Variants in MAPK8IP3 observed in about 807,000 individuals in gnomAD.
The protein encoded by MAPK8IP3 is mitogen-activated protein kinase 8 interacting protein 3.
A neutral mutation model predicts 157.8 loss-of-function variants in MAPK8IP3; 49 were observed. That is an observed-to-expected ratio of 0.31 (90% CI 0.25 to 0.39). The LOEUF (loss-of-function observed/expected upper bound fraction) is 0.39, where lower values mean the gene tolerates loss of function less well. Ranked by LOEUF, MAPK8IP3 falls within the 10% of genes least tolerant of loss-of-function variation. The probability of loss-of-function intolerance (pLI) is 1.00; values close to 1 mark genes in which losing one functional copy is unlikely to be tolerated. For missense variants in MAPK8IP3, 1,478 were observed against 1,889.4 expected, an observed-to-expected ratio of 0.78 and a Z score of 4.04; for synonymous variants, 897 against 777.7, an observed-to-expected ratio of 1.15 and a Z score of -2.55.
rs1481579496 is a variant in MAPK8IP3 at position 1,765,955 on chromosome 16, C to T, written c.2447-5C>T. 3 of 1,608,512 alleles carry T rather than the reference C, an allele frequency of 1.9e-6. No homozygotes were observed. The highest frequency in any genetic ancestry group is 4.5e-5 in the East Asian group (2 of 44,780). Reference sequence around the variant, plus strand: ...CACAGGCTGACGGGCCGTCCCTCTCCCCAGCGGCCAGCGACAGCGACTACC... The same window carrying T: ...CACAGGCTGACGGGCCGTCCCTCTCTCCAGCGGCCAGCGACAGCGACTACC... On this transcript the variant is annotated splice_region_variant and splice_polypyrimidine_tract_variant and intron_variant, in intron 20 of 31. Coordinates refer to ENST00000610761, the MANE Select transcript of MAPK8IP3 (RefSeq NM_001318852.2).
chr16:1,729,977 G>T (rs891394177), intron 4 of MAPK8IP3, among the ~76,000 whole-genome samples: 6 of 148,656 alleles, frequency 4.0e-5, no homozygotes, highest in Admixed American at 1.4e-4. Context: ...GGGAGGCCAA[G>T]GCAGGAGGAT....
At position 1,766,156 on chromosome 16, in the gene MAPK8IP3, G is replaced by T. The variant is rs371574507; in HGVS notation, c.2629+14G>T. Reference sequence around the variant, plus strand: ...ACAAGGGGCAGGGTGAGTCCTGGGCGAGTTTCCCCCATCCCCTCATTCCCA... The same window carrying T: ...ACAAGGGGCAGGGTGAGTCCTGGGCTAGTTTCCCCCATCCCCTCATTCCCA... On this transcript the variant is annotated intron_variant, in intron 21 of 31. Coordinates refer to ENST00000610761, the MANE Select transcript of MAPK8IP3 (RefSeq NM_001318852.2). 6.2e-7 allele frequency: 1 copy of T among 1,603,748 alleles called. No homozygotes were observed. Among genetic ancestry groups the T allele is most frequent in the Non-Finnish European group, 8.5e-7 (1 of 1,173,468 alleles).
At position 1,768,633 on chromosome 16, in the gene MAPK8IP3, G is replaced by C. The variant is rs146699789; in HGVS notation, c.3892+7G>C. 6.2e-7 allele frequency: 1 copy of C among 1,607,362 alleles called. No homozygotes were observed. The highest frequency in any genetic ancestry group is 1.7e-5 in the Admixed American group (1 of 59,186). On this transcript the variant is annotated splice_region_variant and intron_variant, in intron 31 of 31. Coordinates refer to ENST00000610761, the MANE Select transcript of MAPK8IP3 (RefSeq NM_001318852.2). Reference sequence around the variant, plus strand: ...TACATCGACTTCCGCATTGGTGAGCGGGGCCCAGGGACAGGGCTGAGGTTG... The same window carrying C: ...TACATCGACTTCCGCATTGGTGAGCCGGGCCCAGGGACAGGGCTGAGGTTG...
In MAPK8IP3 at chr16:1,741,527, G is replaced by A. The variant is rs895319071; in HGVS notation, c.603-1805G>A. 2.0e-4 allele frequency among the ~76,000 whole-genome samples: 31 copies of A among 152,128 alleles called. 1 individual carries two copies. Among genetic ancestry groups the A allele is most frequent in the African/African-American group, 2.4e-5 (1 of 41,420 alleles). On this transcript the variant is annotated intron_variant, in intron 4 of 31. Coordinates refer to ENST00000610761, the MANE Select transcript of MAPK8IP3 (RefSeq NM_001318852.2). This position sits in a 1 kb window ranked among gnomAD's most constrained non-coding sequence, Gnocchi z 6.9. ...GTAGCATCTGGTGACAGCCAGGACCGCATCGGCTTCGGTCTAGGGACTGAG... is the reference window on the plus strand; with the variant it reads ...GTAGCATCTGGTGACAGCCAGGACCACATCGGCTTCGGTCTAGGGACTGAG...
chr16:1,756,183 G>A (rs981640837), intron 8 of MAPK8IP3, among the ~76,000 whole-genome samples: 1 of 152,172 alleles, frequency 6.6e-6, no homozygotes. Flanking sequence ...AAGTCTTGGG[G>A]GAGCGGGTAC....
In MAPK8IP3 at chr16:1,758,200, C is replaced by T. The variant is rs374106881; in HGVS notation, c.1228+41C>T. The T allele has an allele frequency of 4.0e-5, 65 of 1,609,972 alleles. No homozygotes were observed. In the East Asian group the frequency reaches 5.4e-4, roughly 13 times the overall value. ...TCCTGTCTGTCTCCCCTCTGTGTGA[C>T]GGGGGGAGTGGGTGGACGGGGGATG... On this transcript the variant is annotated intron_variant, in intron 9 of 31. Coordinates refer to ENST00000610761, the MANE Select transcript of MAPK8IP3 (RefSeq NM_001318852.2).
intron 8 of MAPK8IP3, among the ~76,000 whole-genome samples, chr16:1,755,111 G>A (rs188859267): frequency 4.3e-4 from 66 of 152,308 alleles, no homozygotes; most frequent in African/African-American, 1.5e-3. Flanking sequence ...ATAAAGCTGC[G>A]GCAGTTGAGG....
At chr16:1,749,373 T>C (rs999393673) in intron 8 of MAPK8IP3, among the ~76,000 whole-genome samples, 4 of 152,158 alleles carry the variant, frequency 2.6e-5, no homozygotes, top group African/African-American at 9.7e-5. Flanking sequence ...GGGTGCCCGC[T>C]TCTCTGCTCT....
chr16:1,738,033 T>C (rs1567168786), intron 4 of MAPK8IP3, among the ~76,000 whole-genome samples: 2 of 75,038 alleles, frequency 2.7e-5, no homozygotes, highest in Non-Finnish European at 5.0e-5. Context: ...TGAGCATCCG[T>C]GTGAGCGTGT....
rs2040807557 is a variant in MAPK8IP3 at position 1,743,663 on chromosome 16, C to T, written c.747+187C>T. 1 of 1,423,438 alleles carries T rather than the reference C, an allele frequency of 7.0e-7. No individual in the cohort carries two copies. Among genetic ancestry groups the T allele is most frequent in the South Asian group, 1.5e-5 (1 of 64,842 alleles). 88.2% of individuals were successfully genotyped at this position (1,423,438 alleles called of 1,614,324 possible). On this transcript the variant is annotated intron_variant, in intron 5 of 31. Coordinates refer to ENST00000610761, the MANE Select transcript of MAPK8IP3 (RefSeq NM_001318852.2). The surrounding 1 kb of genome is among the most constrained non-coding windows in gnomAD (Gnocchi z 5.6). ...AGGGGCTCAGGCTGCCCAGCAGGCC[C>T]TGTGTGGCTGTGGCTGTTCCACGCG...
At chr16:1,756,007 T>C (rs1366245798) in intron 8 of MAPK8IP3, among the ~76,000 whole-genome samples, 1 of 151,760 alleles carries the variant, frequency 6.6e-6, no homozygotes, top group East Asian at 1.9e-4. Context: ...CTGACTAGGG[T>C]GGAGCAGGTG....
chr16:1,720,808 G>A (rs2038464178), intron 1 of MAPK8IP3, among the ~76,000 whole-genome samples: 1 of 152,170 alleles, frequency 6.6e-6, no homozygotes. Context: ...GCAGAAGCAG[G>A]CGGATCACGA....
At chr16:1,762,814 C>A (rs1015188811) in intron 15 of MAPK8IP3, 22 bp from the exon 16 acceptor site, 28 of 1,609,220 alleles carry the variant, frequency 1.7e-5, no homozygotes, top group African/African-American at 2.7e-5. Context: ...GCCCACCCCT[C>A]ACCTCCCTGT....
rs1214794940 is a variant in MAPK8IP3, at chr16:1,764,424, C to T, written c.2245C>T (p.Pro749Ser). 1.2e-6 allele frequency: 2 copies of T among 1,607,164 alleles called. No homozygotes were observed. Among genetic ancestry groups the T allele is most frequent in the Non-Finnish European group, 1.7e-6 (2 of 1,178,412 alleles). ...CTGCGACCGCGAAGGAGACGGCGAGCCCAAGAGCGCCCACACGTCTCCCGA... is the reference window on the plus strand; with the variant it reads ...CTGCGACCGCGAAGGAGACGGCGAGTCCAAGAGCGCCCACACGTCTCCCGA... The part of the protein sequence containing the change: ...LTCDREGDGE[P>S]KSAHTSPEKK... Residue 749 changes from proline (P) to serine (S), a missense_variant, in exon 19 of 32, where the codon CCC becomes TCC. This residue lies in a region of MAPK8IP3 where 669 missense variants were observed against 759.8 expected (regional missense o/e 0.88). Transcript: ENST00000610761.
intron 17 of MAPK8IP3, 33 bp downstream of exon 17, chr16:1,763,816 C>T (rs1447222399): frequency 2.9e-6 from 4 of 1,400,456 alleles, no homozygotes; most frequent in Admixed American, 3.0e-5. Flanking sequence ...CCGGGCGGGG[C>T]CCCGCAGAGG....
chr16:1,712,626 G>A (rs1030924349), intron 1 of MAPK8IP3, among the ~76,000 whole-genome samples: 1 of 152,188 alleles, frequency 6.6e-6, no homozygotes, highest in Non-Finnish European at 1.5e-5. Flanking sequence ...AGGACACTGG[G>A]TGGACAGAGT....
chr16:1,767,384 GCCCTAC>G, intron 26 of MAPK8IP3, 87 bp downstream of exon 26: 3 of 1,570,168 alleles, frequency 1.9e-6, no homozygotes, highest in South Asian at 1.1e-5. Flanking sequence ...AGTCCACGAG[GCCCTAC>G]GTGGGTCCCA....
chr16:1,728,970 C>G (rs1225862532), intron 2 of MAPK8IP3, among the ~76,000 whole-genome samples, 168 bp from the exon 3 acceptor site: 1 of 152,244 alleles, frequency 6.6e-6, no homozygotes, highest in African/African-American at 2.4e-5. Flanking sequence ...GCACAACGCA[C>G]ACAGCAGTCT....
chr16:1,764,115 C>T lies in MAPK8IP3; in HGVS notation c.2026C>T (p.Leu676=). ...CACGGCGCCTCCCTGCTCCCTGCAG[C>T]TGAGTCCCAACGGGGGCCAGGAGGA... The part of the protein sequence containing the change: ...GWSLPAKYKQ[L]SPNGGQEDTR... The change falls in exon 18 of 32, where the codon CTG becomes TTG. Residue 676 remains leucine, a splice_region_variant and synonymous_variant. Coordinates refer to ENST00000610761, the MANE Select transcript of MAPK8IP3 (RefSeq NM_001318852.2). 6.2e-7 allele frequency: 1 copy of T among 1,606,768 alleles called. No homozygotes were observed.
Sources: gnomAD v4.1 joint callset for allele counts (sites outside exome capture counted in the v4.1 genomes callset) on GRCh38, gnomAD v4.1.1 for gene constraint, gnomAD v4.1.1 regional missense constraint, Gnocchi (gnomAD v3.1) non-coding constraint, MANE v1.5 for transcripts, NCBI Gene and HGNC (gene_info 2026-07-23, HGNC 2026-07-21) for gene names.